RERE: variants seen among roughly 807,000 people sequenced by gnomAD.
RERE encodes the protein arginine-glutamic acid dipeptide repeats.
A neutral mutation model predicts 146.1 loss-of-function variants in RERE; 40 were observed. The ratio of observed to expected loss-of-function variants is 0.27; its 90% CI spans 0.21 to 0.36. RERE has a LOEUF of 0.36. RERE is among the 10% of genes least tolerant of loss of function. The pLI is 1.00. For missense variants in RERE, 1,933 were observed against 2,138.7 expected (o/e 0.90, Z 1.90); for synonymous variants, 1,003 against 866.0 (o/e 1.16, Z -2.78).
intron 17 of RERE, 76 bp downstream of exon 17, chr1:8,361,687 A>C (rs992558246): frequency 1.4e-6 from 2 of 1,407,070 alleles, no homozygotes; most frequent in African/African-American, 2.8e-5. Context: ...CACGGCCACC[A>C]ACTAGGGAGA....
chr1:8,706,492 C>G (rs1214442601), intron 1 of RERE, among the ~76,000 whole-genome samples: 1 of 152,164 alleles, frequency 6.6e-6, no homozygotes, highest in Admixed American at 6.5e-5. Flanking sequence ...TTACCCAGCC[C>G]TTAAGGGATA....
intron 1 of RERE, among the ~76,000 whole-genome samples, chr1:8,696,475 G>T (rs1387627018): frequency 6.6e-6 from 1 of 152,138 alleles, no homozygotes; most frequent in African/African-American, 2.4e-5. Context: ...TTAGCCAGGT[G>T]TGGTGGCACA....
intron 12 of RERE, among the ~76,000 whole-genome samples, chr1:8,376,059 G>C (rs1347441999): frequency 6.6e-6 from 1 of 152,216 alleles, no homozygotes; most frequent in Non-Finnish European, 1.5e-5. Flanking sequence ...ATGTGGCCAA[G>C]CTCAGTTTCA....
intron 7 of RERE, among the ~76,000 whole-genome samples, chr1:8,520,124 C>A (rs116905977): frequency 6.6e-6 from 1 of 152,216 alleles, no homozygotes; most frequent in Admixed American, 6.5e-5. Context: ...AAAGTTACCA[C>A]TTCCATATTC....
intron 7 of RERE, among the ~76,000 whole-genome samples, chr1:8,523,000 A>T (rs1402065321): frequency 6.6e-6 from 1 of 152,068 alleles, no homozygotes; most frequent in Non-Finnish European, 1.5e-5. Flanking sequence ...AACAAGGTGA[A>T]ATCCCTTCTC....
intron 1 of RERE, among the ~76,000 whole-genome samples, chr1:8,760,012 T>G (rs1289576512): frequency 6.6e-6 from 1 of 152,072 alleles, no homozygotes; most frequent in African/African-American, 2.4e-5. Flanking sequence ...AGGCCTATCA[T>G]TAGTTTAGTT....
chr1:8,698,753 C>T (rs1294330237), intron 1 of RERE, among the ~76,000 whole-genome samples: 4 of 151,966 alleles, frequency 2.6e-5, no homozygotes, highest in Non-Finnish European at 4.4e-5. Context: ...CTCCAGAGAT[C>T]GAGATCTTCC....
chr1:8,465,605 A>C, intron 11 of RERE: 1 of 399,946 alleles, frequency 2.5e-6, no homozygotes, highest in South Asian at 2.0e-5. Context: ...GCTGTCTTTA[A>C]ATAGGGAGGT....
intron 7 of RERE, among the ~76,000 whole-genome samples, chr1:8,516,518 T>C (rs1330711684): frequency 6.6e-6 from 1 of 152,126 alleles, no homozygotes; most frequent in African/African-American, 2.4e-5. Flanking sequence ...GGCGACCCTG[T>C]AAGATAGGTG....
intron 7 of RERE, 68 bp from the exon 8 acceptor site, chr1:8,508,743 CA>C (rs1645290193): frequency 5.6e-6 from 7 of 1,248,098 alleles, no homozygotes; most frequent in South Asian, 1.3e-5. Context: ...ACACATTTTT[CA>C]AAAAAAGTAA....
At chr1:8,461,257 T>C (rs1402069490) in intron 11 of RERE, among the ~76,000 whole-genome samples, 1 of 152,158 alleles carries the variant, frequency 6.6e-6, no homozygotes, top group Non-Finnish European at 1.5e-5. Context: ...CCTCTTTATC[T>C]TCCTAAGTTC....
At chr1:8,542,180 C>G (rs550316814) in intron 6 of RERE, among the ~76,000 whole-genome samples, 1 of 152,014 alleles carries the variant, frequency 6.6e-6, no homozygotes, top group Non-Finnish European at 1.5e-5. Flanking sequence ...CCCAAAGAGG[C>G]AGGGGAGGCT....
At chr1:8,576,581 T>C (rs1159602901) in intron 4 of RERE, among the ~76,000 whole-genome samples, 1 of 152,220 alleles carries the variant, frequency 6.6e-6, no homozygotes, top group Non-Finnish European at 1.5e-5. Flanking sequence ...TACCTCATAC[T>C]GTATGATTCA....
intron 11 of RERE, among the ~76,000 whole-genome samples, chr1:8,445,061 A>G (rs1644300490): frequency 6.6e-6 from 1 of 152,222 alleles, no homozygotes; most frequent in African/African-American, 2.4e-5. Context: ...TCATAAAAAA[A>G]GTCAATTTAA....
At chr1:8,441,552 T>C (rs1442873155) in intron 11 of RERE, among the ~76,000 whole-genome samples, 1 of 152,244 alleles carries the variant, frequency 6.6e-6, no homozygotes, top group Non-Finnish European at 1.5e-5. Context: ...AAGTCAGACA[T>C]TTTCTGATTC....
intron 1 of RERE, among the ~76,000 whole-genome samples, chr1:8,803,604 C>CAGG (rs1162694576): frequency 6.6e-6 from 1 of 152,128 alleles, no homozygotes; most frequent in Non-Finnish European, 1.5e-5. Context: ...TTTTTTGAGA[C>CAGG]AGAGTCTCAC....
intron 1 of RERE, among the ~76,000 whole-genome samples, chr1:8,688,474 T>G (rs1007733833): frequency 6.6e-6 from 1 of 151,282 alleles, no homozygotes; most frequent in Non-Finnish European, 1.5e-5. Flanking sequence ...GGCAGAAGAA[T>G]CCCTTGAACC....
intron 7 of RERE, among the ~76,000 whole-genome samples, chr1:8,540,654 T>C (rs933479033): frequency 1.3e-5 from 2 of 152,214 alleles, no homozygotes; most frequent in Non-Finnish European, 2.9e-5. Context: ...CCCTATTGCT[T>C]CTCATTTTAA....
intron 1 of RERE, among the ~76,000 whole-genome samples, chr1:8,770,885 C>T (rs1051463001): frequency 1.3e-5 from 2 of 152,194 alleles, no homozygotes; most frequent in African/African-American, 4.8e-5. Context: ...GTCTAAACAT[C>T]TATCAGTTGA....
Sources: allele counts gnomAD v4.1 joint callset (sites outside exome capture counted in the v4.1 genomes callset), GRCh38; gene constraint gnomAD v4.1.1; transcripts MANE v1.5; gene names NCBI Gene and HGNC (gene_info 2026-07-23, HGNC 2026-07-21).